Variants in SLC35F1 observed in about 807,000 individuals in gnomAD.
SLC35F1 encodes chromosome 6 open reading frame 169.
In SLC35F1, 14 loss-of-function variants were observed where a neutral mutation model predicts 48.7. That is an observed-to-expected ratio of 0.29 (90% CI 0.19 to 0.45). The LOEUF is 0.45. SLC35F1 is among the 20% of genes least tolerant of loss of function. The probability of loss-of-function intolerance (pLI) is 1.00; values close to 1 mark genes in which losing one functional copy is unlikely to be tolerated. For missense variants in SLC35F1, 404 were observed against 500.0 expected (o/e 0.81, Z 1.83); for synonymous variants, 190 against 202.2 (o/e 0.94, Z 0.51).
intron 6 of SLC35F1, among the ~76,000 whole-genome samples, chr6:118,279,026 G>A (rs1582766900): frequency 6.6e-6 from 1 of 152,148 alleles, no homozygotes; most frequent in African/African-American, 2.4e-5. Flanking sequence ...CAGTGTAAAA[G>A]GAACACATTA....
intron 1 of SLC35F1, among the ~76,000 whole-genome samples, chr6:118,075,454 C>A (rs897864000): frequency 3.9e-5 from 6 of 152,074 alleles, no homozygotes; most frequent in African/African-American, 1.4e-4. Context: ...TTGTTTTCTT[C>A]CAGAAACATT....
chr6:118,042,766 G>C (rs1396378836), intron 1 of SLC35F1, among the ~76,000 whole-genome samples: 5 of 152,140 alleles, frequency 3.3e-5, no homozygotes, highest in Admixed American at 3.3e-4. Context: ...TGAACAGGAA[G>C]GGCTCGATCT....
intron 6 of SLC35F1, 94 bp from the exon 7 acceptor site, chr6:118,285,090 A>G: frequency 7.6e-7 from 1 of 1,316,392 alleles, no homozygotes; most frequent in Non-Finnish European, 1.1e-6. Flanking sequence ...GTGAGTGACA[A>G]GTGGTGTGCA....
chr6:118,160,917 G>T (rs1317216890), intron 2 of SLC35F1, among the ~76,000 whole-genome samples: 6 of 149,538 alleles, frequency 4.0e-5, no homozygotes, highest in Non-Finnish European at 7.4e-5. Flanking sequence ...TTTTTTTGAG[G>T]AGGTTGGGGG....
intron 1 of SLC35F1, among the ~76,000 whole-genome samples, chr6:118,144,980 A>G (rs961418928): frequency 6.6e-6 from 1 of 151,998 alleles, no homozygotes; most frequent in Non-Finnish European, 1.5e-5. Context: ...TTTACTTACC[A>G]TACAATTTAC....
At chr6:118,012,854 A>C (rs566066901) in intron 1 of SLC35F1, among the ~76,000 whole-genome samples, 1 of 152,320 alleles carries the variant, frequency 6.6e-6, no homozygotes, top group African/African-American at 2.4e-5. Flanking sequence ...CAAATTTTCC[A>C]AGCAACATCT....
At chr6:118,133,655 T>A (rs966056335) in intron 1 of SLC35F1, among the ~76,000 whole-genome samples, 21 of 152,218 alleles carry the variant, frequency 1.4e-4, no homozygotes, top group African/African-American at 4.8e-4. Flanking sequence ...TAGTTTTGAA[T>A]TTTTTTCTCT....
chr6:118,195,558 A>C (rs1232511001), intron 2 of SLC35F1, among the ~76,000 whole-genome samples: 1 of 152,146 alleles, frequency 6.6e-6, no homozygotes, highest in African/African-American at 2.4e-5. Flanking sequence ...GGGGTAGAAC[A>C]CAAAAATCCC....
At chr6:118,215,899 A>G (rs1399361124) in intron 2 of SLC35F1, among the ~76,000 whole-genome samples, 4 of 152,178 alleles carry the variant, frequency 2.6e-5, no homozygotes, top group African/African-American at 9.7e-5. Flanking sequence ...TCTTCTATCA[A>G]AGGAATTTAG....
At chr6:118,071,152 G>GTA (rs1772716805) in intron 1 of SLC35F1, among the ~76,000 whole-genome samples, 4 of 134,954 alleles carry the variant, frequency 3.0e-5, no homozygotes, top group African/African-American at 8.3e-5. Flanking sequence ...TACATTCTAT[G>GTA]TATATACACA....
At chr6:118,227,597 A>G (rs1484299440) in intron 2 of SLC35F1, among the ~76,000 whole-genome samples, 1 of 152,204 alleles carries the variant, frequency 6.6e-6, no homozygotes, top group Non-Finnish European at 1.5e-5. Flanking sequence ...ATTTGCTTTT[A>G]GATATTTTTC....
chr6:118,111,423 G>T (rs1317758356), intron 1 of SLC35F1, among the ~76,000 whole-genome samples: 3 of 152,042 alleles, frequency 2.0e-5, no homozygotes, highest in African/African-American at 7.2e-5. Flanking sequence ...AACTATACAA[G>T]AAGAAAATAG....
intron 1 of SLC35F1, among the ~76,000 whole-genome samples, chr6:118,034,584 A>G (rs1028968012): frequency 6.6e-6 from 1 of 152,048 alleles, no homozygotes; most frequent in African/African-American, 2.4e-5. Context: ...TAAATAAATA[A>G]TCAATCAATA....
intron 1 of SLC35F1, among the ~76,000 whole-genome samples, chr6:118,071,059 TCTACGTATATATA>T (rs1562280948): frequency 0.014 from 17 of 1,188 alleles, no homozygotes; most frequent in African/African-American, 0.055. Flanking sequence ...GTATATATAT[TCTACGTATATATA>T]CTATGTGTAT....
At chr6:118,068,599 T>G (rs973489868) in intron 1 of SLC35F1, among the ~76,000 whole-genome samples, 30 of 152,310 alleles carry the variant, frequency 2.0e-4, no homozygotes, top group African/African-American at 6.3e-4. Flanking sequence ...CACTTCTTAG[T>G]GGAAGAAAAG....
Position 118,263,795 on chromosome 6 carries a change from T to C in SLC35F1, c.478-3200T>C, listed in dbSNP as rs75740486. On this transcript the variant is annotated intron_variant, in intron 3 of 7. Transcript: ENST00000360388. The stretch of plus-strand genomic sequence containing the variant: ...AAGCTACGAGAAAACTGTTGAAAAA[T>C]TATTTTGTCAGTATGTTTTATGTTA... 9.3e-4 allele frequency among the ~76,000 whole-genome samples: 142 copies of C among 152,216 alleles called. 4 individuals are homozygous for C. In the East Asian group the frequency reaches 0.015, roughly 16 times the overall value.
chr6:117,924,465 C>A (rs1237432708), intron 1 of SLC35F1, among the ~76,000 whole-genome samples: 1 of 149,328 alleles, frequency 6.7e-6, no homozygotes, highest in Non-Finnish European at 1.5e-5. Flanking sequence ...TATGTGTGTA[C>A]ATATATACAT....
chr6:118,126,692 T>C (rs1302380806), intron 1 of SLC35F1, among the ~76,000 whole-genome samples: 1 of 151,746 alleles, frequency 6.6e-6, no homozygotes, highest in Non-Finnish European at 1.5e-5. Flanking sequence ...GAAGAGGTCC[T>C]TCACGTCCCT....
chr6:117,925,425 G>A (rs992989558), intron 1 of SLC35F1, among the ~76,000 whole-genome samples: 2 of 152,188 alleles, frequency 1.3e-5, no homozygotes, highest in African/African-American at 4.8e-5. Flanking sequence ...GCTAAGGACA[G>A]CAGAGTGGAC....
Sources: gnomAD v4.1 joint callset for allele counts (sites outside exome capture counted in the v4.1 genomes callset) on GRCh38, gnomAD v4.1.1 for gene constraint, MANE v1.5 for transcripts, NCBI Gene and HGNC (gene_info 2026-07-23, HGNC 2026-07-21) for gene names.